The following DLEC1 variants were observed in gnomAD, a reference collection of about 807,000 sequenced individuals.
DLEC1 encodes DLEC1 cilia and flagella associated protein, also known as deleted in lung and esophageal cancer protein 1.
A neutral mutation model predicts 198.1 loss-of-function variants in DLEC1; 146 were observed. The observed-to-expected ratio is 0.74, with a 90% CI of 0.64 to 0.85. DLEC1 has a LOEUF of 0.85. Among genes scored for constraint, DLEC1 ranks in the 40% least tolerant of loss-of-function variants. DLEC1 has a pLI of 0.00. For synonymous variants in DLEC1, 897 were observed against 866.8 expected, an observed-to-expected ratio of 1.03 and a Z score of -0.61; for missense variants, 2,233 against 2,220.0, an observed-to-expected ratio of 1.01 and a Z score of -0.12.
At chr3:38,088,012 T>G (rs1698553939) in intron 9 of DLEC1, among the ~76,000 whole-genome samples, 1 of 152,262 alleles carries the variant, frequency 6.6e-6, no homozygotes, top group African/African-American at 2.4e-5. Context: ...TGTGTCCCAA[T>G]CACTTGGTGA....
Position 38,095,911 on chromosome 3 carries a change from C to G in DLEC1, c.2136C>G (p.Leu712=). ...PHELRDFHSV[L]QMVLEEVPEP... ...AGCTGAGGGATTTTCACAGTGTGCT[C>G]CAGATGGTGCTAGAGGAAGTCCCAG... is the stretch of plus-strand genomic sequence containing the variant. Residue 712 remains leucine, a synonymous_variant, in exon 14 of 37, where the codon CTC becomes CTG. Transcript: ENST00000308059. 6.2e-7 allele frequency: 1 copy of G among 1,613,830 alleles called. No individual in the cohort carries two copies. The highest frequency in any genetic ancestry group is 8.5e-7 in the Non-Finnish European group (1 of 1,180,004).
chr3:38,109,621 C>T, intron 22 of DLEC1, 59 bp downstream of exon 22: 4 of 1,609,636 alleles, frequency 2.5e-6, no homozygotes, highest in Non-Finnish European at 3.4e-6. Context: ...GGCAGCCGCG[C>T]CCAGGACCAG....
intron 5 of DLEC1, among the ~76,000 whole-genome samples, chr3:38,063,166 TAA>T (rs1422031148): frequency 1.3e-5 from 2 of 152,278 alleles, no homozygotes; most frequent in African/African-American, 4.8e-5. Flanking sequence ...GATTTTTCTT[TAA>T]GAGTGCCTTT....
At chr3:38,054,804 G>C (rs577803978) in intron 2 of DLEC1, among the ~76,000 whole-genome samples, 2 of 152,282 alleles carry the variant, frequency 1.3e-5, no homozygotes, top group South Asian at 4.1e-4. Context: ...CTAAACATGA[G>C]CTCACAGGTA....
intron 6 of DLEC1, among the ~76,000 whole-genome samples, chr3:38,071,088 G>A (rs1360636609): frequency 6.6e-6 from 1 of 152,184 alleles, no homozygotes; most frequent in Non-Finnish European, 1.5e-5. Flanking sequence ...GGAACCTAGA[G>A]TGGGAGAGAG....
chr3:38,046,169 G>C (rs533360153), intron 2 of DLEC1, among the ~76,000 whole-genome samples: 5 of 152,352 alleles, frequency 3.3e-5, no homozygotes, highest in Middle Eastern at 6.8e-3. Flanking sequence ...AACAAGAGTA[G>C]TACCAGTCTG....
At chr3:38,064,165 G>C (rs532725842) in intron 6 of DLEC1, among the ~76,000 whole-genome samples, 3 of 152,014 alleles carry the variant, frequency 2.0e-5, no homozygotes, top group Non-Finnish European at 4.4e-5. Flanking sequence ...GCCGCCTTCC[G>C]CAGTGTTTGT....
At chr3:38,117,668 G>C (rs1219780183) in intron 32 of DLEC1, 57 bp downstream of exon 32, 2 of 1,611,644 alleles carry the variant, frequency 1.2e-6, no homozygotes, top group African/African-American at 2.7e-5. Flanking sequence ...AGATGTCTCT[G>C]TGTGCCCTTG....
chr3:38,119,912 C>A (rs183612562), intron 33 of DLEC1, among the ~76,000 whole-genome samples: 1 of 152,058 alleles, frequency 6.6e-6, no homozygotes, highest in Non-Finnish European at 1.5e-5. Flanking sequence ...CTGGGTGAGG[C>A]GCAAGAATTT....
At chr3:38,057,308 T>C (rs1274909108) in intron 2 of DLEC1, among the ~76,000 whole-genome samples, 3 of 152,136 alleles carry the variant, frequency 2.0e-5, no homozygotes, top group Non-Finnish European at 4.4e-5. Context: ...CTGGCCAACA[T>C]GGTGAAACCC....
chr3:38,095,325 T>C, intron 13 of DLEC1: 1 of 523,868 alleles, frequency 1.9e-6, no homozygotes, highest in Non-Finnish European at 3.5e-6. Flanking sequence ...GCTCTGGGTG[T>C]CTCCCACATG....
chr3:38,062,752 A>G lies in DLEC1; in HGVS notation c.1045A>G (p.Lys349Glu), dbSNP rs1289015741. 1.2e-6 allele frequency: 2 copies of G among 1,613,996 alleles called. No individual in the cohort carries two copies. The highest frequency in any genetic ancestry group is 4.5e-5 in the East Asian group (2 of 44,898). The part of the protein sequence containing the change: ...YGGKSLVFPP[K>E]KPAPIGEFQS... ...AGGCAAGTCTCTTGTTTTTCCTCCA[A>G]AGAAGCCAGCACCGATAGGAGAATT... The change falls in exon 5 of 37, where the codon AAG becomes GAG. Residue 349 changes from lysine (K) to glutamate (E), a missense_variant. Coordinates refer to ENST00000308059, the MANE Select transcript of DLEC1 (RefSeq NM_007335.4).
intron 2 of DLEC1, among the ~76,000 whole-genome samples, chr3:38,049,919 A>G (rs1398222070): frequency 6.6e-6 from 1 of 152,174 alleles, no homozygotes; most frequent in Non-Finnish European, 1.5e-5. Context: ...CAGGGAGTAC[A>G]TTTCCCAGAA....
Position 38,100,308 on chromosome 3 carries a change from C to A in DLEC1, c.2747C>A (p.Pro916His). 1 of 1,612,836 alleles carries A rather than the reference C, an allele frequency of 6.2e-7. No homozygotes were observed. The highest frequency in any genetic ancestry group is 8.5e-7 in the Non-Finnish European group (1 of 1,179,604). Residue 916 changes from proline to histidine, a missense_variant, in exon 19 of 37, where the codon CCT becomes CAT. Coordinates refer to ENST00000308059, the MANE Select transcript of DLEC1 (RefSeq NM_007335.4). ...CAGGTGTCTCCCTTCGACATTGAGC[C>A]TTCGAGTGGCCAGCTTCACTCTCTG... ...PEDVSPFDIE[P>H]SSGQLHSLGE...
chr3:38,116,013 A>C (rs1317044520), intron 27 of DLEC1, among the ~76,000 whole-genome samples: 1 of 152,126 alleles, frequency 6.6e-6, no homozygotes, highest in African/African-American at 2.4e-5. Context: ...GATGCTGGCA[A>C]GACAGAGGTG....
intron 12 of DLEC1, 47 bp from the exon 13 acceptor site, chr3:38,094,832 G>A: frequency 1.9e-6 from 3 of 1,592,542 alleles, no homozygotes; most frequent in Non-Finnish European, 2.6e-6. Context: ...GGAGGGACCT[G>A]GTCCCAGCAG....
intron 19 of DLEC1, among the ~76,000 whole-genome samples, chr3:38,105,049 CTTAT>C (rs970367120): frequency 1.3e-5 from 2 of 151,926 alleles, no homozygotes; most frequent in Non-Finnish European, 2.9e-5. Flanking sequence ...CTTGTGGTTT[CTTAT>C]TTGACTTGTT....
chr3:38,117,103 G>A lies in DLEC1; in HGVS notation c.4305+3G>A, dbSNP rs773629934. The A allele has an allele frequency of 6.2e-7, 1 of 1,614,042 alleles. No individual in the cohort carries two copies. Among genetic ancestry groups the A allele is most frequent in the South Asian group, 1.1e-5 (1 of 91,080 alleles). ...GTTTCATGAGCTTGGACAGCAAGGT[G>A]AGCTCTTCCGGCCTGGGGTGGGGGC... On this transcript the variant is annotated splice_donor_region_variant and intron_variant, in intron 30 of 36. Coordinates refer to ENST00000308059, the MANE Select transcript of DLEC1 (RefSeq NM_007335.4).
intron 3 of DLEC1, among the ~76,000 whole-genome samples, chr3:38,060,597 T>G (rs556488815): frequency 3.3e-5 from 5 of 151,772 alleles, no homozygotes; most frequent in Non-Finnish European, 5.9e-5. Context: ...AAATTGAGGG[T>G]GCTCCTGGGG....
Sources: allele counts gnomAD v4.1 joint callset (sites outside exome capture counted in the v4.1 genomes callset), GRCh38; gene constraint gnomAD v4.1.1; transcripts MANE v1.5; gene names NCBI Gene and HGNC (gene_info 2026-07-23, HGNC 2026-07-21).